Variants in CDH13 observed in about 807,000 individuals in gnomAD.
CDH13 encodes the protein cadherin-13.
Under a neutral mutation model 63.8 loss-of-function variants are expected in CDH13, and 24 were observed. The ratio of observed to expected loss-of-function variants is 0.38; its 90% CI spans 0.27 to 0.53. The LOEUF is 0.53. Ranked by LOEUF, CDH13 falls within the 20% of genes least tolerant of loss-of-function variation. The pLI is 0.85. For synonymous variants in CDH13, 503 were observed against 355.3 expected (o/e 1.42, Z -4.67); for missense variants, 1,049 against 903.1 (o/e 1.16, Z -2.07).
intron 10 of CDH13, among the ~76,000 whole-genome samples, chr16:83,727,024 G>C (rs941333002): frequency 3.3e-5 from 5 of 152,100 alleles, no homozygotes; most frequent in Admixed American, 1.3e-4. Flanking sequence ...TGATTTATGA[G>C]ATATAATTCA....
At chr16:83,342,384 G>A (rs1003371567) in intron 5 of CDH13, among the ~76,000 whole-genome samples, 2 of 152,134 alleles carry the variant, frequency 1.3e-5, no homozygotes, top group African/African-American at 4.8e-5. Context: ...CGTGATGGCT[G>A]ACATGTAGTG....
At chr16:83,271,798 C>G (rs79169588) in intron 5 of CDH13, among the ~76,000 whole-genome samples, 13,487 of 152,212 alleles carry the variant, frequency 0.089, 677 homozygotes, top group East Asian at 0.16. Context: ...ATATTAACTA[C>G]AAATCAATTC....
At chr16:83,683,614 A>G (rs1020196974) in intron 10 of CDH13, among the ~76,000 whole-genome samples, 1 of 152,128 alleles carries the variant, frequency 6.6e-6, no homozygotes, top group Non-Finnish European at 1.5e-5. Flanking sequence ...CTGTTTATTT[A>G]TTCCCTTGTT....
At chr16:83,324,376 A>T (rs1429307138) in intron 5 of CDH13, among the ~76,000 whole-genome samples, 1 of 151,694 alleles carries the variant, frequency 6.6e-6, no homozygotes. Flanking sequence ...CTCAAAAGAA[A>T]CCCCATCACT....
chr16:82,699,142 C>T (rs956671820), intron 1 of CDH13, among the ~76,000 whole-genome samples: 19 of 152,088 alleles, frequency 1.2e-4, no homozygotes, highest in Admixed American at 1.2e-3. Context: ...TCATAGAAGC[C>T]TGATTGTTGA....
At chr16:82,830,813 C>T (rs1469797196) in intron 1 of CDH13, among the ~76,000 whole-genome samples, 1 of 152,138 alleles carries the variant, frequency 6.6e-6, no homozygotes, top group Non-Finnish European at 1.5e-5. Flanking sequence ...TGAAAATAAT[C>T]CCACCCTGGG....
intron 2 of CDH13, among the ~76,000 whole-genome samples, chr16:82,945,385 A>G (rs940410678): frequency 5.9e-5 from 9 of 151,488 alleles, no homozygotes; most frequent in Non-Finnish European, 1.3e-4. Context: ...CTTCAGAAAC[A>G]CTCCTGGATC....
At chr16:82,637,099 T>G (rs1908748397) in intron 1 of CDH13, among the ~76,000 whole-genome samples, 1 of 152,180 alleles carries the variant, frequency 6.6e-6, no homozygotes, top group African/African-American at 2.4e-5. Context: ...ATCTAAATCA[T>G]TATCACTTAC....
chr16:83,179,288 A>G (rs966707474), intron 4 of CDH13, among the ~76,000 whole-genome samples: 3 of 152,072 alleles, frequency 2.0e-5, no homozygotes, highest in East Asian at 1.9e-4. Context: ...ACTACAAGCT[A>G]TTATCTCCTT....
At chr16:83,508,035 G>A (rs1189551983) in intron 7 of CDH13, among the ~76,000 whole-genome samples, 3 of 135,424 alleles carry the variant, frequency 2.2e-5, no homozygotes, top group Non-Finnish European at 4.7e-5. Context: ...TCGGTCGAAA[G>A]AAAGAAAGAG....
At chr16:82,797,311 C>T (rs2036630885) in intron 1 of CDH13, among the ~76,000 whole-genome samples, 1 of 152,108 alleles carries the variant, frequency 6.6e-6, no homozygotes. Context: ...AGTGGTCAGT[C>T]AAGAATAAAT....
At chr16:82,883,950 C>A (rs1214375942) in intron 2 of CDH13, among the ~76,000 whole-genome samples, 1 of 152,136 alleles carries the variant, frequency 6.6e-6, no homozygotes, top group African/African-American at 2.4e-5. Flanking sequence ...AGTTATTTAA[C>A]CTCCTAGTAC....
At chr16:83,018,290 A>C (rs1270043927) in intron 2 of CDH13, among the ~76,000 whole-genome samples, 1 of 152,218 alleles carries the variant, frequency 6.6e-6, no homozygotes, top group African/African-American at 2.4e-5. Context: ...CTAAGCTTCT[A>C]GACGCTAAGT....
intron 10 of CDH13, among the ~76,000 whole-genome samples, chr16:83,696,675 A>G (rs1024092325): frequency 2.6e-5 from 4 of 152,212 alleles, no homozygotes; most frequent in African/African-American, 9.7e-5. Flanking sequence ...GGTAAAACAC[A>G]GCAACTGGCC....
intron 1 of CDH13, among the ~76,000 whole-genome samples, chr16:82,686,997 T>A (rs1915141724): frequency 6.6e-6 from 1 of 152,222 alleles, no homozygotes. Context: ...ATAAAGATTG[T>A]GTATGGGAAA....
At chr16:83,569,001 A>G (rs1904326285) in intron 7 of CDH13, among the ~76,000 whole-genome samples, 1 of 152,090 alleles carries the variant, frequency 6.6e-6, no homozygotes, top group South Asian at 2.1e-4. Flanking sequence ...TGAAGGCTTC[A>G]TCTTGCCTAG....
chr16:83,483,059 A>G (rs1460995267), intron 6 of CDH13, among the ~76,000 whole-genome samples: 1 of 152,186 alleles, frequency 6.6e-6, no homozygotes, highest in South Asian at 2.1e-4. Context: ...CAACAACCAA[A>G]GGGGAATGTT....
intron 5 of CDH13, among the ~76,000 whole-genome samples, chr16:83,330,258 G>A (rs1271354062): frequency 6.6e-6 from 1 of 152,124 alleles, no homozygotes; most frequent in Non-Finnish European, 1.5e-5. Flanking sequence ...AGGAAATCTG[G>A]ATACCAGAAT....
At chr16:83,112,217 C>A (rs373039604) in intron 3 of CDH13, among the ~76,000 whole-genome samples, 7 of 152,190 alleles carry the variant, frequency 4.6e-5, no homozygotes, top group East Asian at 1.9e-4. Context: ...TGTATTTGGT[C>A]TATGTATCAG....
Sources: gnomAD v4.1 joint callset for allele counts (sites outside exome capture counted in the v4.1 genomes callset) on GRCh38, gnomAD v4.1.1 for gene constraint, MANE v1.5 for transcripts, NCBI Gene and HGNC (gene_info 2026-07-23, HGNC 2026-07-21) for gene names.